The following ADAM12 variants were observed in gnomAD, a reference collection of about 807,000 sequenced individuals.
ADAM12 encodes disintegrin and metalloproteinase domain-containing protein 12.
In ADAM12, 70 loss-of-function variants were observed where a neutral mutation model predicts 106.4. The observed-to-expected ratio is 0.66, with a 90% confidence interval of 0.54 to 0.80. The LOEUF (loss-of-function observed/expected upper bound fraction) is 0.80. Ranked by LOEUF, ADAM12 falls within the 30% of genes least tolerant of loss-of-function variation. ADAM12 has a pLI of 0.00. For synonymous variants in ADAM12, 420 were observed against 433.5 expected (o/e 0.97, Z 0.39); for missense variants, 1,010 against 1,171.9 (o/e 0.86, Z 2.02).
At chr10:126,263,172 A>T (rs1298098853) in intron 3 of ADAM12, among the ~76,000 whole-genome samples, 1 of 152,178 alleles carries the variant, frequency 6.6e-6, no homozygotes, top group African/African-American at 2.4e-5. Flanking sequence ...CTAGTGTTGT[A>T]AGCATGATTT....
intron 4 of ADAM12, among the ~76,000 whole-genome samples, chr10:126,143,264 ATG>A (rs1055466712): frequency 5.1e-4 from 70 of 136,006 alleles, no homozygotes; most frequent in Middle Eastern, 5.0e-3. Context: ...GTGTATATGT[ATG>A]TGTGTATATG....
chr10:126,288,771 T>G (rs1483254901), intron 2 of ADAM12, among the ~76,000 whole-genome samples: 2 of 144,146 alleles, frequency 1.4e-5, no homozygotes, highest in South Asian at 4.5e-4. Context: ...GGGACAGGAC[T>G]ATGTGGTGGT....
rs943177093 is a variant in ADAM12, at chr10:126,049,436, T to C, written c.1734A>G (p.Gly578=). The change falls in exon 16 of 23, where the codon GGA becomes GGG. Residue 578 remains glycine, a synonymous_variant. Coordinates refer to ENST00000448723, the MANE Select transcript of ADAM12 (RefSeq NM_001288973.2). This position sits in a 1 kb window ranked among gnomAD's most constrained non-coding sequence, Gnocchi z 4.4. ...AKCEMRDAKC[G]KIQCQGGASR... ...TGGCACCTCCTTGACACTGGATTTT[T>C]CCACATTTAGCATCTCTGGAAGGGT... is the stretch of plus-strand genomic sequence containing the variant. The C allele has an allele frequency of 6.2e-7, 1 of 1,614,086 alleles. No homozygotes were observed. Among genetic ancestry groups the C allele is most frequent in the African/African-American group, 1.3e-5 (1 of 74,936 alleles).
In ADAM12 at chr10:126,128,592, G is replaced by A. The variant is rs542469591; in HGVS notation, c.416+6992C>T. Among the ~76,000 whole-genome samples the A allele has an allele frequency of 7.3e-5, 11 of 151,330 alleles. No individual in the cohort carries two copies. The South Asian group carries it at 8.4e-4, about 12-fold the overall frequency. ...GCCTGTGCATGTCAGTGTGTGGTGC[G>A]CGTGTGGGAATGTGTGCAAGTGGGG... On this transcript the variant is annotated intron_variant, in intron 5 of 22. Transcript: ENST00000448723.
Position 126,064,747 on chromosome 10 carries a change from T to TA in ADAM12, c.1609+58_1609+59insT. 2 of 1,511,688 alleles carry TA rather than the reference T, an allele frequency of 1.3e-6. No individual in the cohort carries two copies. Among genetic ancestry groups the TA allele is most frequent in the Non-Finnish European group, 1.8e-6 (2 of 1,125,036 alleles). The allele number at this position is 1,511,688 out of a possible 1,614,324, so 93.6% of individuals were successfully genotyped here. Reference sequence around the variant, plus strand: ...ACCAAAACAGAGCACATGCCCCCAGTCCCACAGCCCAGGTCTGCCAGTGCC... The same window carrying TA: ...ACCAAAACAGAGCACATGCCCCCAGTACCCACAGCCCAGGTCTGCCAGTGCC... On this transcript the variant is annotated intron_variant, in intron 14 of 22. Transcript: ENST00000448723. This position sits in a 1 kb window ranked among gnomAD's most constrained non-coding sequence, Gnocchi z 4.4.
At chr10:126,283,263 C>A (rs76856987) in intron 2 of ADAM12, among the ~76,000 whole-genome samples, 1,960 of 152,220 alleles carry the variant, frequency 0.013, 25 homozygotes, top group East Asian at 0.1. Context: ...CGCCTGCTGC[C>A]GTGTGACCTG....
At chr10:126,152,347 G>A (rs1956743079) in intron 4 of ADAM12, among the ~76,000 whole-genome samples, 1 of 151,968 alleles carries the variant, frequency 6.6e-6, no homozygotes, top group South Asian at 2.1e-4. Flanking sequence ...AGTTCTAGAT[G>A]AATCTATAAT....
chr10:126,122,548 G>A (rs950151798), intron 5 of ADAM12, among the ~76,000 whole-genome samples: 3 of 152,174 alleles, frequency 2.0e-5, no homozygotes, highest in Non-Finnish European at 4.4e-5. Context: ...GATCACCTGT[G>A]GTCAGGAGTT....
At chr10:126,218,377 G>T (rs1184834832) in intron 3 of ADAM12, among the ~76,000 whole-genome samples, 1 of 152,176 alleles carries the variant, frequency 6.6e-6, no homozygotes, top group South Asian at 2.1e-4. Context: ...TGCCCATTTT[G>T]CAGAGGGGGA....
rs756305911 is a variant in ADAM12, at chr10:126,330,484, T to C, written c.114A>G (p.Arg38=). 4 of 1,613,730 alleles carry C rather than the reference T, an allele frequency of 2.5e-6. No individual in the cohort carries two copies. The highest frequency in any genetic ancestry group is 1.7e-5 in the Admixed American group (1 of 59,842). Residue 38 remains arginine, a synonymous_variant, in exon 2 of 23, where the codon AGA becomes AGG. Coordinates refer to ENST00000448723, the MANE Select transcript of ADAM12 (RefSeq NM_001288973.2). ...ARGVSLWNQG[R]ADEVVSASVG... The stretch of plus-strand genomic sequence containing the variant: ...CAGAGGCACTGACAACTTCATCAGC[T>C]CTTCCTTGGTTCCATAAGCTCACCC...
At chr10:126,293,358 G>A (rs932495459) in intron 2 of ADAM12, among the ~76,000 whole-genome samples, 2 of 152,046 alleles carry the variant, frequency 1.3e-5, no homozygotes, top group Non-Finnish European at 2.9e-5. Context: ...GGAGCCCAAG[G>A]GGCAAAGCTT....
chr10:126,310,334 G>A (rs1055850409), intron 2 of ADAM12, among the ~76,000 whole-genome samples: 8 of 152,010 alleles, frequency 5.3e-5, no homozygotes, highest in African/African-American at 1.2e-4. Flanking sequence ...CAAAGGGGTC[G>A]GAGGAGAACA....
intron 3 of ADAM12, among the ~76,000 whole-genome samples, chr10:126,266,949 G>A (rs944470236): frequency 1.3e-5 from 2 of 152,180 alleles, no homozygotes; most frequent in African/African-American, 4.8e-5. Flanking sequence ...CAACACTGGG[G>A]ATTACAACCG....
chr10:126,074,170 G>A lies in ADAM12; in HGVS notation c.1146-2516C>T, dbSNP rs376366581. On this transcript the variant is annotated intron_variant, in intron 11 of 22. Coordinates refer to ENST00000448723, the MANE Select transcript of ADAM12 (RefSeq NM_001288973.2). The stretch of plus-strand genomic sequence containing the variant: ...TATCAGTTCATTCTAGAAGGGAAGT[G>A]ATTTCTAGAAAATATTAGAGTTAAT... Among the ~76,000 whole-genome samples, 28 of 152,278 alleles carry A rather than the reference G, an allele frequency of 1.8e-4. 1 individual carries two copies. The highest frequency in any genetic ancestry group is 6.7e-4 in the African/African-American group (28 of 41,550).
At chr10:126,346,215 T>C (rs1855133475) in intron 1 of ADAM12, among the ~76,000 whole-genome samples, 1 of 152,256 alleles carries the variant, frequency 6.6e-6, no homozygotes, top group Admixed American at 6.5e-5. Flanking sequence ...GATTCTGGTA[T>C]GTTGTGTCTT....
chr10:126,091,604 A>G (rs1210693436), intron 11 of ADAM12, among the ~76,000 whole-genome samples: 1 of 85,528 alleles, frequency 1.2e-5, no homozygotes, highest in Non-Finnish European at 3.4e-5. Context: ...AACCCCTGGT[A>G]ATGGGGGAAA....
chr10:126,301,978 T>C (rs1294246357), intron 2 of ADAM12, among the ~76,000 whole-genome samples: 1 of 152,186 alleles, frequency 6.6e-6, no homozygotes, highest in East Asian at 1.9e-4. Flanking sequence ...GTGGGACAGC[T>C]TGAGCCACTT....
intron 3 of ADAM12, among the ~76,000 whole-genome samples, chr10:126,164,874 C>A (rs1196183912): frequency 1.3e-5 from 2 of 152,146 alleles, no homozygotes; most frequent in African/African-American, 4.8e-5. Context: ...AACCAGTATA[C>A]TGAGGTATAA....
chr10:126,229,924 C>G (rs888210812), intron 3 of ADAM12, among the ~76,000 whole-genome samples: 1 of 143,252 alleles, frequency 7.0e-6, no homozygotes, highest in Non-Finnish European at 1.6e-5. Flanking sequence ...ACTCTAGTAT[C>G]CCACATGCAG....
Sources: gnomAD v4.1 joint callset for allele counts (sites outside exome capture counted in the v4.1 genomes callset) on GRCh38, gnomAD v4.1.1 for gene constraint, Gnocchi (gnomAD v3.1) non-coding constraint, MANE v1.5 for transcripts, NCBI Gene and HGNC (gene_info 2026-07-23, HGNC 2026-07-21) for gene names.